Variants in SCFD2 observed in about 807,000 individuals in gnomAD.
The protein encoded by SCFD2 is sec1 family domain containing 2.
SCFD2 carries 54 observed loss-of-function variants against 58.9 expected under a neutral mutation model. The ratio of observed to expected loss-of-function variants is 0.92; its 90% CI spans 0.74 to 1.15. SCFD2 has a LOEUF of 1.15. Among genes scored for constraint, SCFD2 ranks in the 50% most tolerant of loss-of-function variants. The pLI is 0.00. For missense variants in SCFD2, 805 were observed against 836.6 expected, an observed-to-expected ratio of 0.96 and a Z score of 0.47; for synonymous variants, 321 against 335.9, an observed-to-expected ratio of 0.96 and a Z score of 0.49.
intron 4 of SCFD2, among the ~76,000 whole-genome samples, chr4:53,249,765 C>A (rs1169716980): frequency 1.3e-5 from 2 of 152,116 alleles, no homozygotes; most frequent in Admixed American, 6.5e-5. Flanking sequence ...GATTTTGTCA[C>A]CACCAGGCCT....
At position 52,947,709 on chromosome 4, in the gene SCFD2, C is replaced by CA. The variant is rs777098822; in HGVS notation, c.1562-26840dup. On this transcript the variant is annotated intron_variant, in intron 5 of 8. Transcript: ENST00000401642. ...TGAACTACTTAGCAAATGGTGTTCGCAAAAAAACGATATAAAATTTCATCC... is the reference window on the plus strand; with the variant it reads ...TGAACTACTTAGCAAATGGTGTTCGCAAAAAAAACGATATAAAATTTCATCC... Among the ~76,000 whole-genome samples the CA allele has an allele frequency of 4.7e-5, 7 of 147,698 alleles. No homozygotes were observed. The South Asian group carries it at 1.1e-3, about 23-fold the overall frequency.
intron 2 of SCFD2, among the ~76,000 whole-genome samples, chr4:53,319,802 G>A (rs920434276): frequency 1.3e-5 from 2 of 152,136 alleles, no homozygotes; most frequent in African/African-American, 4.8e-5. Context: ...AAAGTGCTGG[G>A]ATTACAGGCA....
chr4:53,185,118 G>A (rs1289809787), intron 4 of SCFD2, among the ~76,000 whole-genome samples: 1 of 152,082 alleles, frequency 6.6e-6, no homozygotes. Flanking sequence ...CTGACACAGT[G>A]GAACCTGCAA....
chr4:53,028,089 A>AT (rs983290356), intron 5 of SCFD2, among the ~76,000 whole-genome samples: 23 of 151,980 alleles, frequency 1.5e-4, no homozygotes, highest in African/African-American at 5.3e-4. Context: ...TCTACTAAAA[A>AT]TACAAAAATT....
chr4:53,172,321 C>T (rs1175529986), intron 4 of SCFD2, among the ~76,000 whole-genome samples: 1 of 151,994 alleles, frequency 6.6e-6, no homozygotes, highest in Non-Finnish European at 1.5e-5. Context: ...GATTTTATTG[C>T]TTGTTTAGTC....
rs544599137 is a variant in SCFD2 at position 53,289,667 on chromosome 4, C to A, written c.1136-15666G>T. Among the ~76,000 whole-genome samples the A allele has an allele frequency of 2.7e-4, 41 of 152,150 alleles. No homozygotes were observed. In the South Asian group the frequency reaches 5.6e-3, roughly 21 times the overall value. ...ATATAAATGGATTAAAGTCACCAAT[C>A]AGAAGATATAGAGTGGCTGAATGGA... On this transcript the variant is annotated intron_variant, in intron 3 of 8. Transcript: ENST00000401642.
At chr4:53,133,830 T>C (rs1051178963) in intron 5 of SCFD2, among the ~76,000 whole-genome samples, 33 of 152,308 alleles carry the variant, frequency 2.2e-4, no homozygotes, top group African/African-American at 4.1e-4. Flanking sequence ...AGAACCCCAA[T>C]TGAAAGCTCA....
At chr4:53,302,718 C>A (rs755163113) in intron 3 of SCFD2, among the ~76,000 whole-genome samples, 1 of 152,082 alleles carries the variant, frequency 6.6e-6, no homozygotes, top group African/African-American at 2.4e-5. Flanking sequence ...AGGCTACAGT[C>A]ACCAAAACAG....
chr4:53,151,127 G>A (rs1345771405), intron 4 of SCFD2, among the ~76,000 whole-genome samples: 1 of 152,188 alleles, frequency 6.6e-6, no homozygotes, highest in Non-Finnish European at 1.5e-5. Flanking sequence ...TCAAAGGAGG[G>A]AGGGGCAGCC....
At chr4:53,259,757 G>T (rs763424136) in intron 4 of SCFD2, among the ~76,000 whole-genome samples, 1 of 152,116 alleles carries the variant, frequency 6.6e-6, no homozygotes. Context: ...TGTGAAGAAT[G>T]ATAGTGGTAT....
chr4:53,136,329 A>G (rs1257682768), intron 5 of SCFD2, among the ~76,000 whole-genome samples: 12 of 152,202 alleles, frequency 7.9e-5, no homozygotes, highest in Non-Finnish European at 2.9e-5. Context: ...TGTGGCCTCA[A>G]TTAACCTTGT....
intron 5 of SCFD2, among the ~76,000 whole-genome samples, chr4:53,024,461 G>A (rs544799621): frequency 7.2e-4 from 110 of 152,266 alleles, no homozygotes; most frequent in African/African-American, 1.3e-3. Context: ...GAGGGGAAGT[G>A]ACATAAAGTA....
In SCFD2 at chr4:52,880,281, A is replaced by G. The variant is rs565267955; in HGVS notation, c.1962+5466T>C. Among the ~76,000 whole-genome samples the G allele has an allele frequency of 2.0e-5, 3 of 151,300 alleles. No homozygotes were observed. In the East Asian group the frequency reaches 6.0e-4, roughly 30 times the overall value. Reference sequence around the variant, plus strand: ...TCCTTGAACCTCTTAAGTTGTGTGCAAAACTATTTTTTTTTTTTTTAATTA... The same window carrying G: ...TCCTTGAACCTCTTAAGTTGTGTGCGAAACTATTTTTTTTTTTTTTAATTA... On this transcript the variant is annotated intron_variant, in intron 8 of 8. Transcript: ENST00000401642.
intron 4 of SCFD2, among the ~76,000 whole-genome samples, chr4:53,218,624 A>C (rs985878033): frequency 5.3e-5 from 8 of 152,168 alleles, no homozygotes; most frequent in African/African-American, 1.9e-4. Flanking sequence ...GATCGTCTGA[A>C]GCCTTCTTCT....
chr4:53,133,895 G>A (rs1015743422), intron 5 of SCFD2, among the ~76,000 whole-genome samples: 1 of 152,182 alleles, frequency 6.6e-6, no homozygotes, highest in Non-Finnish European at 1.5e-5. Flanking sequence ...CCATTTGTCT[G>A]TCAATGAACA....
chr4:52,988,706 A>T (rs1721553377), intron 5 of SCFD2, among the ~76,000 whole-genome samples: 1 of 152,154 alleles, frequency 6.6e-6, no homozygotes, highest in Non-Finnish European at 1.5e-5. Context: ...AATTTATTTC[A>T]TTTCTGTACT....
intron 4 of SCFD2, among the ~76,000 whole-genome samples, chr4:53,249,648 A>G (rs1038288959): frequency 5.3e-5 from 8 of 152,218 alleles, no homozygotes; most frequent in African/African-American, 1.9e-4. Flanking sequence ...GGGGGCCAAT[A>G]ATCAACATTC....
chr4:52,962,541 G>A (rs988656584), intron 5 of SCFD2, among the ~76,000 whole-genome samples: 9 of 152,158 alleles, frequency 5.9e-5, no homozygotes, highest in African/African-American at 9.7e-5. Context: ...GCATAGCTGG[G>A]CTGGGAATGG....
intron 5 of SCFD2, among the ~76,000 whole-genome samples, chr4:53,119,266 G>A (rs749077698): frequency 1.3e-5 from 2 of 151,420 alleles, no homozygotes; most frequent in African/African-American, 2.4e-5. Flanking sequence ...TGCAGTGAGC[G>A]GAGATTGCAC....
Sources: allele counts gnomAD v4.1 joint callset (sites outside exome capture counted in the v4.1 genomes callset), GRCh38; gene constraint gnomAD v4.1.1; transcripts MANE v1.5; gene names NCBI Gene and HGNC (gene_info 2026-07-23, HGNC 2026-07-21).